Variants in TRIM2 observed in about 807,000 individuals in gnomAD.
TRIM2 encodes the protein tripartite motif containing 2, also known as tripartite motif-containing protein 2.
Under a neutral mutation model 75.2 loss-of-function variants are expected in TRIM2, and 20 were observed. That is an observed-to-expected ratio of 0.27 (90% CI 0.19 to 0.39). The LOEUF is 0.39. Ranked by LOEUF, TRIM2 falls within the 10% of genes least tolerant of loss-of-function variation. The probability of loss-of-function intolerance (pLI) is 1.00; values close to 1 mark genes in which losing one functional copy is unlikely to be tolerated. For synonymous variants in TRIM2, 373 were observed against 388.3 expected, an observed-to-expected ratio of 0.96 and a Z score of 0.46; for missense variants, 660 against 990.8, an observed-to-expected ratio of 0.67 and a Z score of 4.48.
At chr4:153,152,852 C>A (rs1329157150), upstream of TRIM2, among the ~76,000 whole-genome samples, 1 of 152,180 alleles carries the variant, frequency 6.6e-6, no homozygotes, top group Non-Finnish European at 1.5e-5. Context: ...TTCAGAAATA[C>A]TGTTGGGAAA....
intron 1 of TRIM2, among the ~76,000 whole-genome samples, chr4:153,224,203 T>TA (rs1313636836): frequency 2.0e-5 from 3 of 152,206 alleles, no homozygotes; most frequent in Admixed American, 2.0e-4. Flanking sequence ...ACCTCACCCT[T>TA]AACTAGAGAT....
intron 1 of TRIM2, among the ~76,000 whole-genome samples, chr4:153,159,296 C>CGTT (rs1729524097): frequency 1.1e-5 from 1 of 89,160 alleles, no homozygotes; most frequent in Admixed American, 1.6e-4. Context: ...TTTACAAAAT[C>CGTT]TTTTTTTTTT....
chr4:153,165,621 C>T lies in TRIM2; in HGVS notation c.-49+12351C>T, dbSNP rs572120375. The stretch of plus-strand genomic sequence containing the variant: ...GTCTCAAAATTTATTTATTCTACCC[C>T]GACGCTTCTTAGTTTGGCTAGATAT... On this transcript the variant is annotated intron_variant, in intron 1 of 11. Coordinates refer to the TRIM2 transcript ENST00000437508. 7.9e-5 allele frequency among the ~76,000 whole-genome samples: 12 copies of T among 152,228 alleles called. No homozygotes were observed. The South Asian group carries it at 8.3e-4, about 11-fold the overall frequency.
intron 1 of TRIM2, among the ~76,000 whole-genome samples, chr4:153,236,779 C>T (rs1051331252): frequency 6.6e-6 from 1 of 151,994 alleles, no homozygotes; most frequent in Non-Finnish European, 1.5e-5. Context: ...GCAGCCTCGA[C>T]CTCCTGGGTT....
intron 6 of TRIM2, among the ~76,000 whole-genome samples, chr4:153,297,303 A>G (rs1316522664): frequency 6.6e-6 from 1 of 152,204 alleles, no homozygotes; most frequent in Non-Finnish European, 1.5e-5. Flanking sequence ...CCACCAGAGC[A>G]GAGTGGACGA....
chr4:153,327,566 T>C (rs1209727379), intron 10 of TRIM2, among the ~76,000 whole-genome samples: 2 of 152,242 alleles, frequency 1.3e-5, no homozygotes, highest in Non-Finnish European at 2.9e-5. Context: ...AAGTTAAAAA[T>C]AATGTCCTGG....
chr4:153,213,485 T>C (rs1266137060), intron 1 of TRIM2, among the ~76,000 whole-genome samples: 1 of 152,202 alleles, frequency 6.6e-6, no homozygotes, highest in East Asian at 1.9e-4. Context: ...TTTATGCATC[T>C]TAATTAATTT....
At chr4:153,182,138 G>A (rs1384905454) in intron 1 of TRIM2, among the ~76,000 whole-genome samples, 1 of 139,124 alleles carries the variant, frequency 7.2e-6, no homozygotes, top group Non-Finnish European at 1.6e-5. Context: ...TGTGGTAGAG[G>A]GGAGGTGAGG....
At chr4:153,222,504 G>C (rs575566332) in intron 1 of TRIM2, 9 of 152,256 alleles carry the variant, frequency 5.9e-5, no homozygotes, top group Non-Finnish European at 1.0e-4. Context: ...TTCTGGAACC[G>C]GGCACCAACT....
At chr4:153,260,700 C>CCCCCACA (rs1560902966) in intron 1 of TRIM2, among the ~76,000 whole-genome samples, 4 of 67,916 alleles carry the variant, frequency 5.9e-5, no homozygotes, top group South Asian at 1.8e-3. Flanking sequence ...ACCCCCCCCC[C>CCCCCACA]CACACACACA....
chr4:153,202,872 C>T (rs1014615914), upstream of TRIM2, among the ~76,000 whole-genome samples: 8 of 151,568 alleles, frequency 5.3e-5, no homozygotes, highest in African/African-American at 1.9e-4. Context: ...TTTGGGAGGC[C>T]GAGGTGGGCA....
At chr4:153,214,959 T>C (rs1226286580) in intron 1 of TRIM2, among the ~76,000 whole-genome samples, 1 of 152,168 alleles carries the variant, frequency 6.6e-6, no homozygotes. Context: ...AAAGAGAAAA[T>C]CTACAACGAT....
At chr4:153,208,824 A>G (rs1046212501) in intron 1 of TRIM2, among the ~76,000 whole-genome samples, 8 of 152,194 alleles carry the variant, frequency 5.3e-5, no homozygotes, top group South Asian at 2.1e-4. Context: ...ATGATGCTCC[A>G]GAGGATTCCA....
At chr4:153,301,867 G>C (rs971821727) in intron 6 of TRIM2, among the ~76,000 whole-genome samples, 5 of 152,198 alleles carry the variant, frequency 3.3e-5, no homozygotes, top group Non-Finnish European at 5.9e-5. Context: ...GTACCATGCT[G>C]TTTTGATTAC....
At chr4:153,318,119 G>C (rs754787362) in intron 8 of TRIM2, among the ~76,000 whole-genome samples, 1 of 152,200 alleles carries the variant, frequency 6.6e-6, no homozygotes, top group Non-Finnish European at 1.5e-5. Context: ...TGTGATCTGG[G>C]CTTCATGTCC....
chr4:153,282,821 C>T (rs1336722688), intron 3 of TRIM2, among the ~76,000 whole-genome samples: 1 of 151,650 alleles, frequency 6.6e-6, no homozygotes, highest in African/African-American at 2.4e-5. Context: ...AAAAGTCTCA[C>T]TCTGTCACCC....
At chr4:153,185,491 A>G (rs1451997485) in intron 1 of TRIM2, among the ~76,000 whole-genome samples, 1 of 152,126 alleles carries the variant, frequency 6.6e-6, no homozygotes, top group Admixed American at 6.5e-5. Flanking sequence ...GTGGATCTTG[A>G]GCCACAGCAG....
chr4:153,269,288 A>G (rs1356997786), intron 1 of TRIM2, among the ~76,000 whole-genome samples: 2 of 152,146 alleles, frequency 1.3e-5, no homozygotes, highest in East Asian at 1.9e-4. Flanking sequence ...AGGGGTTTGG[A>G]CTCCTGGGGC....
intron 1 of TRIM2, among the ~76,000 whole-genome samples, chr4:153,244,361 T>TTCTTCTTCTTCC (rs1748130691): frequency 3.7e-5 from 1 of 26,980 alleles, no homozygotes; most frequent in African/African-American, 3.1e-4. Flanking sequence ...CTTCCTCTTC[T>TTCTTCTTCTTCC]TCTTCTTCTT....
Sources: gnomAD v4.1 joint callset for allele counts (sites outside exome capture counted in the v4.1 genomes callset) on GRCh38, gnomAD v4.1.1 for gene constraint, MANE v1.5 for transcripts, NCBI Gene and HGNC (gene_info 2026-07-23, HGNC 2026-07-21) for gene names.